KLHL4: variants seen among roughly 807,000 people sequenced by gnomAD.
KLHL4 encodes the protein kelch like family member 4.
In KLHL4, 17 loss-of-function variants were observed where a neutral mutation model predicts 45.8. The observed-to-expected ratio is 0.37, with a 90% CI of 0.25 to 0.56. The LOEUF (loss-of-function observed/expected upper bound fraction) is 0.56. Among genes scored for constraint, KLHL4 ranks in the 20% least tolerant of loss-of-function variants. KLHL4 has a pLI of 0.79. For synonymous variants in KLHL4, 224 were observed against 189.9 expected (o/e 1.18, Z -1.47); for missense variants, 544 against 544.9 (o/e 1.00, Z 0.02).
intron 1 of KLHL4, among the ~76,000 whole-genome samples, chrX:87,568,346 C>T (rs1164722304): frequency 9.5e-6 from 1 of 105,642 alleles, no homozygotes; most frequent in East Asian, 3.0e-4. Context: ...AATGCAATCG[C>T]TATCAAAATC....
intron 6 of KLHL4, among the ~76,000 whole-genome samples, chrX:87,627,491 G>A (rs1922966501): frequency 8.9e-6 from 1 of 111,747 alleles, no homozygotes; most frequent in Admixed American, 9.5e-5. Flanking sequence ...ACAAGAGATT[G>A]CAAATGCAAT....
At chrX:87,553,495 A>G (rs1422413629) in intron 1 of KLHL4, among the ~76,000 whole-genome samples, 3 of 110,924 alleles carry the variant, frequency 2.7e-5, no homozygotes, top group Non-Finnish European at 5.7e-5. Context: ...TCAGACAAAT[A>G]CCAATTTTTG....
Position 87,622,263 on chromosome X carries a change from A to G in KLHL4, c.977A>G (p.Asn326Ser), listed in dbSNP as rs1922774126. ...KNQEFLLLPA[N>S]EISKLLCSDD... is the part of the protein sequence containing the mutation. ...CAAGAATTCCTCCTGCTTCCAGCTA[A>G]TGAAATTTCAAAACTTCTGTGCAGT... The change falls in exon 5 of 11, where the codon AAT (asparagine) becomes AGT (serine). Residue 326 changes from asparagine to serine, a missense_variant. By Grantham distance (46) the Asn-to-Ser change is conservative. Transcript: ENST00000373119. 1 of 1,209,346 alleles carries G rather than the reference A, an allele frequency of 8.3e-7. No individual in the cohort carries two copies. The highest frequency in any genetic ancestry group is 1.7e-5 in the African/African-American group (1 of 57,735).
intron 6 of KLHL4, among the ~76,000 whole-genome samples, chrX:87,627,223 G>A (rs1175044142): frequency 9.0e-6 from 1 of 111,279 alleles, no homozygotes; most frequent in Non-Finnish European, 1.9e-5. Flanking sequence ...TAACCAGTGT[G>A]CATAAGGCAT....
intron 9 of KLHL4, among the ~76,000 whole-genome samples, chrX:87,643,612 A>G (rs745527777): frequency 9.0e-6 from 1 of 111,612 alleles, no homozygotes; most frequent in African/African-American, 3.3e-5. Context: ...AAAGAAAACT[A>G]AAGCACAATA....
chrX:87,614,590 T>G lies in KLHL4; in HGVS notation c.727+20T>G. 8.4e-7 allele frequency: 1 copy of G among 1,184,144 alleles called. No individual in the cohort carries two copies. Among genetic ancestry groups the G allele is most frequent in the South Asian group, 1.8e-5 (1 of 55,486 alleles). ...ACACAGGTAAGTGCCAAATACACATTAACTCATAATGACCCTACATTACAT... is the reference window on the plus strand; with the variant it reads ...ACACAGGTAAGTGCCAAATACACATGAACTCATAATGACCCTACATTACAT... On this transcript the variant is annotated intron_variant, in intron 3 of 10. Coordinates refer to ENST00000373119, the MANE Select transcript of KLHL4 (RefSeq NM_019117.5).
chrX:87,667,393 TAA>T lies in KLHL4; in HGVS notation c.*860_*861del, dbSNP rs963060686. ...TGTTAACTCTATAAACAAATATCGT[TAA>T]GTTAAACAAGTTTTCAAAAACAAAA... is the stretch of plus-strand genomic sequence containing the variant. On this transcript the variant is annotated 3_prime_UTR_variant, in exon 11 of 11. Transcript: ENST00000373119. 5.6e-5 allele frequency: 39 copies of T among 702,278 alleles called. 1 individual carries two copies. The East Asian group carries it at 2.0e-3, about 37-fold the overall frequency. 57.9% of individuals were successfully genotyped at this position (702,278 alleles called of 1,213,427 possible). A position where few individuals can be genotyped will look rare whatever the true frequency, so the allele number is the denominator to read the frequency against.
chrX:87,639,744 A>G, intron 9 of KLHL4, among the ~76,000 whole-genome samples: 1 of 111,020 alleles, frequency 9.0e-6, no homozygotes. Flanking sequence ...TTGAATGCCT[A>G]CATCAAAAAG....
At chrX:87,614,348 G>A (rs1922483482) in intron 2 of KLHL4, 86 bp from the exon 3 acceptor site, 1 of 894,319 alleles carries the variant, frequency 1.1e-6, no homozygotes, top group Non-Finnish European at 1.6e-6. Flanking sequence ...AGACTCACTA[G>A]TGTTACAAAC....
intron 1 of KLHL4, among the ~76,000 whole-genome samples, chrX:87,567,766 G>A (rs1177915708): frequency 9.1e-6 from 1 of 109,779 alleles, no homozygotes; most frequent in African/African-American, 3.3e-5. Flanking sequence ...GAGTACATAT[G>A]AACATAAATA....
chrX:87,629,080 A>T (rs1923022148), intron 6 of KLHL4, among the ~76,000 whole-genome samples: 1 of 111,922 alleles, frequency 8.9e-6, no homozygotes, highest in African/African-American at 3.2e-5. Context: ...AAGTAAATGG[A>T]GGAAATCATT....
chrX:87,562,186 T>C (rs944522851), intron 1 of KLHL4, among the ~76,000 whole-genome samples: 5 of 109,668 alleles, frequency 4.6e-5, no homozygotes, highest in Non-Finnish European at 9.5e-5. Flanking sequence ...ACCCAGCACA[T>C]TCCCAGCTGT....
In KLHL4 at chrX:87,668,105, C is replaced by G. The variant is rs1924432177; in HGVS notation, c.*1571C>G. The G allele has an allele frequency of 1.3e-6, 1 of 750,700 alleles. No homozygotes were observed. The highest frequency in any genetic ancestry group is 1.6e-6 in the Non-Finnish European group (1 of 637,130). The allele number at this position is 750,700 out of a possible 1,213,427, so 61.9% of individuals were successfully genotyped here. A position where few individuals can be genotyped will look rare whatever the true frequency, so the allele number is the denominator to read the frequency against. ...GAGAGAGCTATAGATTTCTGCAGTT[C>G]TAGAGGTGAAGATAGAGACATAGAG... is the stretch of plus-strand genomic sequence containing the variant. On this transcript the variant is annotated 3_prime_UTR_variant, in exon 11 of 11. Transcript: ENST00000373119.
At chrX:87,559,191 T>A (rs1156708268) in intron 1 of KLHL4, among the ~76,000 whole-genome samples, 2 of 112,220 alleles carry the variant, frequency 1.8e-5, no homozygotes, top group East Asian at 5.6e-4. Context: ...GTTGTATAAT[T>A]GTTTATTTAC....
chrX:87,627,843 GTTTTTTA>G (rs1197467640), intron 6 of KLHL4, among the ~76,000 whole-genome samples: 3 of 111,327 alleles, frequency 2.7e-5, no homozygotes, highest in African/African-American at 9.8e-5. Context: ...TTTTGTGTTT[GTTTTTTA>G]TTTTTTATTT....
chrX:87,530,692 C>T (rs1306021553), intron 1 of KLHL4, among the ~76,000 whole-genome samples: 1 of 104,419 alleles, frequency 9.6e-6, no homozygotes, highest in Admixed American at 1.1e-4. Flanking sequence ...TGGGTTGGTT[C>T]CAAGTCTTTG....
intron 1 of KLHL4, among the ~76,000 whole-genome samples, chrX:87,566,036 C>T (rs1422912848): frequency 9.1e-6 from 1 of 110,128 alleles, no homozygotes; most frequent in Non-Finnish European, 1.9e-5. Flanking sequence ...CGCACGTATA[C>T]CTATGTAACA....
chrX:87,566,831 T>C (rs1334577646), intron 1 of KLHL4, among the ~76,000 whole-genome samples: 1 of 111,054 alleles, frequency 9.0e-6, no homozygotes, highest in Non-Finnish European at 1.9e-5. Flanking sequence ...AAAAAGATCA[T>C]TACAATCTCT....
intron 1 of KLHL4, among the ~76,000 whole-genome samples, chrX:87,609,147 T>G (rs1401089434): frequency 8.9e-6 from 1 of 111,900 alleles, no homozygotes; most frequent in Non-Finnish European, 1.9e-5. Context: ...ATTTCCTTAA[T>G]CCAGTCTGTC....
Sources: gnomAD v4.1 joint callset for allele counts (sites outside exome capture counted in the v4.1 genomes callset) on GRCh38, gnomAD v4.1.1 for gene constraint, MANE v1.5 for transcripts, NCBI Gene and HGNC (gene_info 2026-07-23, HGNC 2026-07-21) for gene names.